The following SND1 variants were observed in gnomAD, a reference collection of about 807,000 sequenced individuals.
SND1 encodes the protein staphylococcal nuclease and tudor domain containing 1, also known as staphylococcal nuclease domain-containing protein 1.
SND1 carries 38 observed loss-of-function variants against 121.7 expected under a neutral mutation model. The observed-to-expected ratio is 0.31, with a 90% CI of 0.24 to 0.41. The LOEUF (loss-of-function observed/expected upper bound fraction) is 0.41. Ranked by LOEUF, SND1 falls within the 10% of genes least tolerant of loss-of-function variation. SND1 has a pLI of 1.00. For synonymous variants in SND1, 401 were observed against 447.4 expected, an observed-to-expected ratio of 0.90 and a Z score of 1.31; for missense variants, 868 against 1,184.6, an observed-to-expected ratio of 0.73 and a Z score of 3.92.
intron 10 of SND1, among the ~76,000 whole-genome samples, chr7:127,736,981 T>G (rs1796787315): frequency 6.6e-6 from 1 of 152,170 alleles, no homozygotes; most frequent in Admixed American, 6.5e-5. Context: ...AGTGCACTTG[T>G]GAGTATTTGC....
At chr7:127,892,424 C>T (rs1337617879) in intron 13 of SND1, among the ~76,000 whole-genome samples, 3 of 152,152 alleles carry the variant, frequency 2.0e-5, no homozygotes, top group African/African-American at 7.2e-5. Context: ...AACTCTACCA[C>T]ATCAGCAGCT....
At chr7:127,670,256 T>C (rs1795492680) in intron 1 of SND1, among the ~76,000 whole-genome samples, 1 of 152,024 alleles carries the variant, frequency 6.6e-6, no homozygotes, top group African/African-American at 2.4e-5. Context: ...CCCAAAGTGC[T>C]GGGATTACAG....
intron 18 of SND1, chr7:128,081,899 G>T (rs1165074002): frequency 1.9e-6 from 1 of 537,566 alleles, no homozygotes; most frequent in Non-Finnish European, 3.8e-6. Flanking sequence ...GCATTGCTCA[G>T]CCCGTTTCCC....
At chr7:127,958,085 G>A (rs750244732) in intron 15 of SND1, among the ~76,000 whole-genome samples, 1 of 152,306 alleles carries the variant, frequency 6.6e-6, no homozygotes, top group East Asian at 1.9e-4. Flanking sequence ...AGGCTAGGGG[G>A]CATGAGGATA....
chr7:127,697,129 G>C (rs1211324707), intron 3 of SND1, among the ~76,000 whole-genome samples: 1 of 152,126 alleles, frequency 6.6e-6, no homozygotes, highest in African/African-American at 2.4e-5. Flanking sequence ...GAGATGATTA[G>C]TTTTCTGGCT....
chr7:127,863,721 G>A (rs972196565), intron 12 of SND1, among the ~76,000 whole-genome samples: 1 of 152,100 alleles, frequency 6.6e-6, no homozygotes, highest in Non-Finnish European at 1.5e-5. Context: ...GTATAAGTTG[G>A]CAAACTTTTC....
chr7:127,789,708 C>A (rs1797876216), intron 10 of SND1, among the ~76,000 whole-genome samples: 1 of 152,184 alleles, frequency 6.6e-6, no homozygotes, highest in South Asian at 2.1e-4. Context: ...TTCTTTCAGG[C>A]CTGATAGCAT....
chr7:127,865,254 A>G (rs985487906), intron 12 of SND1, among the ~76,000 whole-genome samples: 1 of 152,226 alleles, frequency 6.6e-6, no homozygotes, highest in Non-Finnish European at 1.5e-5. Flanking sequence ...CATGGCCCTT[A>G]CTAAGTTACA....
chr7:127,932,862 TG>T (rs1252246147), intron 15 of SND1, among the ~76,000 whole-genome samples: 1 of 152,208 alleles, frequency 6.6e-6, no homozygotes, highest in African/African-American at 2.4e-5. Flanking sequence ...TTATATGCCC[TG>T]GGAAACTAAA....
At chr7:127,808,014 C>T (rs1299120506) in intron 11 of SND1, among the ~76,000 whole-genome samples, 4 of 151,944 alleles carry the variant, frequency 2.6e-5, no homozygotes, top group Non-Finnish European at 4.4e-5. Context: ...ACTAAGAGCA[C>T]GCCTATTGTA....
intron 16 of SND1, chr7:128,030,628 A>T (rs200183455): frequency 5.8e-6 from 9 of 1,560,888 alleles, no homozygotes; most frequent in Non-Finnish European, 7.0e-6. Flanking sequence ...GTTACCTGCC[A>T]CAAGAGCTTC....
At chr7:127,805,019 G>C (rs1425764991) in intron 10 of SND1, among the ~76,000 whole-genome samples, 1 of 152,086 alleles carries the variant, frequency 6.6e-6, no homozygotes, top group Admixed American at 6.6e-5. Context: ...GGTATCTTCT[G>C]TCTGGCAAGC....
intron 13 of SND1, among the ~76,000 whole-genome samples, chr7:127,899,870 G>A (rs1800194085): frequency 6.6e-6 from 1 of 152,162 alleles, no homozygotes; most frequent in Non-Finnish European, 1.5e-5. Flanking sequence ...AATGTTGGAT[G>A]TTGGGGTAAA....
intron 10 of SND1, among the ~76,000 whole-genome samples, chr7:127,735,891 A>G (rs1359137752): frequency 1.3e-5 from 2 of 152,072 alleles, no homozygotes; most frequent in Non-Finnish European, 2.9e-5. Context: ...CAGCCTCCCA[A>G]AGTGCTGGGA....
intron 10 of SND1, among the ~76,000 whole-genome samples, chr7:127,780,767 A>G (rs1486785382): frequency 6.6e-6 from 1 of 152,200 alleles, no homozygotes; most frequent in Non-Finnish European, 1.5e-5. Flanking sequence ...GAAATTTTTT[A>G]TTTTAGATCC....
chr7:127,853,233 A>T (rs1799206828), intron 12 of SND1, among the ~76,000 whole-genome samples: 1 of 152,130 alleles, frequency 6.6e-6, no homozygotes, highest in Non-Finnish European at 1.5e-5. Flanking sequence ...GTTGACTGGG[A>T]TGTGCTTTGC....
chr7:127,683,318 C>T (rs776029941), intron 1 of SND1, among the ~76,000 whole-genome samples: 6 of 152,120 alleles, frequency 3.9e-5, no homozygotes, highest in African/African-American at 9.7e-5. Flanking sequence ...CAGGCTCAAG[C>T]GGTTCTCCTA....
intron 11 of SND1, among the ~76,000 whole-genome samples, chr7:127,822,775 G>T (rs1051315582): frequency 4.6e-5 from 7 of 152,246 alleles, no homozygotes; most frequent in Admixed American, 1.3e-4. Context: ...GTTTCTCCAT[G>T]TCATTAAATA....
intron 16 of SND1, chr7:128,031,598 G>C (rs1249064927): frequency 2.7e-5 from 4 of 149,382 alleles, no homozygotes; most frequent in Non-Finnish European, 5.9e-5. Context: ...GCGGGGCGGC[G>C]CTCCGTCCGG....
Sources: gnomAD v4.1 joint callset for allele counts (sites outside exome capture counted in the v4.1 genomes callset) on GRCh38, gnomAD v4.1.1 for gene constraint, MANE v1.5 for transcripts, NCBI Gene and HGNC (gene_info 2026-07-23, HGNC 2026-07-21) for gene names.